The following HIGD1B variants were observed in gnomAD, a reference collection of about 807,000 sequenced individuals.
HIGD1B encodes HIG1 hypoxia inducible domain family member 1B.
A neutral mutation model predicts 8.8 loss-of-function variants in HIGD1B; 9 were observed. The ratio of observed to expected loss-of-function variants is 1.02; its 90% confidence interval spans 0.62 to 1.78. The LOEUF is 1.78. Among genes scored for constraint, HIGD1B ranks in the 40% most tolerant of loss-of-function variants. HIGD1B has a pLI of 0.00. For synonymous variants in HIGD1B, 47 were observed against 38.8 expected (o/e 1.21, Z -0.78); for missense variants, 126 against 111.8 (o/e 1.13, Z -0.57).
chr17:44,848,811 C>T (rs563135021), intron 1 of HIGD1B, among the ~76,000 whole-genome samples: 22 of 152,062 alleles, frequency 1.4e-4, no homozygotes, highest in African/African-American at 4.3e-4. Flanking sequence ...GAGTTTCACT[C>T]GTTGCCCAGG....
At chr17:44,849,130 C>T in intron 1 of HIGD1B, 124 bp from the exon 2 acceptor site, 1 of 1,204,544 alleles carries the variant, frequency 8.3e-7, no homozygotes, top group Non-Finnish European at 1.2e-6. Context: ...CCACCCCCCG[C>T]CACCAGATGC....
At chr17:44,845,258 CAA>C (rs11366877), upstream of HIGD1B, among the ~76,000 whole-genome samples, 224 of 116,736 alleles carry the variant, frequency 1.9e-3, no homozygotes, top group East Asian at 7.9e-3. Flanking sequence ...AACTCCGTCT[CAA>C]AAAAAAAAAA....
In HIGD1B at chr17:44,849,117, C is replaced by G. The variant is rs773080528; in HGVS notation, c.101-137C>G. ...AATGATCCCCCTAGGTCCCCCGCAA[C>G]GCCCACCCCCCGCCACCAGATGCTG... On this transcript the variant is annotated intron_variant, in intron 1 of 2. Transcript: ENST00000253410. The G allele has an allele frequency of 9.1e-6, 9 of 989,004 alleles. No individual in the cohort carries two copies. The Admixed American group carries it at 9.8e-5, about 11-fold the overall frequency. 61.3% of individuals were successfully genotyped at this position (989,004 alleles called of 1,614,324 possible).
intron 2 of HIGD1B, 139 bp downstream of exon 2, chr17:44,849,527 C>A: frequency 1.1e-6 from 1 of 930,140 alleles, no homozygotes; most frequent in Non-Finnish European, 1.6e-6. Flanking sequence ...TTTGGGAGGC[C>A]AAGGCGGGCA....
Position 44,850,406 on chromosome 17 carries a change from A to C in HIGD1B, c.*10A>C. 6.2e-7 allele frequency: 1 copy of C among 1,607,970 alleles called. No homozygotes were observed. ...TGCTGGAGAGAAGTAGGACTCCTAT[A>C]GGAGCCGGGGCTGTCCAACTCCCCT... On this transcript the variant is annotated 3_prime_UTR_variant, in exon 3 of 3. Coordinates refer to ENST00000253410, the MANE Select transcript of HIGD1B (RefSeq NM_016438.4).
upstream of HIGD1B, among the ~76,000 whole-genome samples, chr17:44,845,875 GA>G (rs1411153981): frequency 6.6e-6 from 1 of 151,938 alleles, no homozygotes; most frequent in Non-Finnish European, 1.5e-5. Context: ...AGGTTACAGT[GA>G]GCCGAGATCG....
At chr17:44,850,158 C>T in intron 2 of HIGD1B, 174 bp from the exon 3 acceptor site, 2 of 568,270 alleles carry the variant, frequency 3.5e-6, no homozygotes, top group Non-Finnish European at 6.3e-6. Context: ...AAGTGGTTTC[C>T]CCAGGTTGTG....
upstream of HIGD1B, among the ~76,000 whole-genome samples, chr17:44,847,395 T>G (rs1367311194): frequency 1.3e-5 from 2 of 152,090 alleles, no homozygotes; most frequent in East Asian, 3.9e-4. Context: ...ATTGCGCCAC[T>G]GCAGTCCGCA....
In HIGD1B at chr17:44,847,962, T is replaced by C; in HGVS notation, c.-191T>C. On this transcript the variant is annotated 5_prime_UTR_variant, in exon 1 of 3. Transcript: ENST00000253410. ...AAATGGCACTAATGGCCCAGCCACC[T>C]GAGATGGGATACCTGGGAGGGACAT... The C allele has an allele frequency of 3.9e-6, 2 of 509,784 alleles. No individual in the cohort carries two copies. The highest frequency in any genetic ancestry group is 7.0e-6 in the Non-Finnish European group (2 of 286,020). The allele number at this position is 509,784 out of a possible 1,614,324, so 31.6% of individuals were successfully genotyped here.
upstream of HIGD1B, among the ~76,000 whole-genome samples, chr17:44,845,824 C>T (rs185927902): frequency 5.6e-3 from 857 of 151,842 alleles, 5 homozygotes; most frequent in Middle Eastern, 0.031. Context: ...CCCAGCTACT[C>T]GGGAGGCTGA....
upstream of HIGD1B, among the ~76,000 whole-genome samples, chr17:44,846,721 A>AG (rs1363684941): frequency 4.0e-5 from 6 of 150,208 alleles, no homozygotes; most frequent in African/African-American, 1.5e-4. Context: ...TTGAGTCTGG[A>AG]GGGTCAAGCT....
upstream of HIGD1B, among the ~76,000 whole-genome samples, chr17:44,847,528 A>G (rs527726741): frequency 6.6e-6 from 1 of 152,388 alleles, no homozygotes; most frequent in South Asian, 2.1e-4. Context: ...CTGCCTGGAA[A>G]GAGATGGACC....
intron 2 of HIGD1B, 72 bp from the exon 3 acceptor site, chr17:44,850,260 A>T: frequency 8.0e-7 from 1 of 1,248,764 alleles, no homozygotes; most frequent in Non-Finnish European, 1.1e-6. Context: ...GTGAACCCCT[A>T]GGACGCCTGA....
chr17:44,847,847 A>T, upstream of HIGD1B: 1 of 268,942 alleles, frequency 3.7e-6, no homozygotes, highest in South Asian at 4.6e-5. Flanking sequence ...TCACACCCAT[A>T]GGGATGCAGA....
chr17:44,845,263 A>G (rs2050313404), upstream of HIGD1B, among the ~76,000 whole-genome samples: 1 of 151,382 alleles, frequency 6.6e-6, no homozygotes, highest in Admixed American at 6.6e-5. Flanking sequence ...CGTCTCAAAA[A>G]AAAAAAAAAA....
chr17:44,850,186 C>T lies in HIGD1B; in HGVS notation c.236-146C>T, dbSNP rs73309157. On this transcript the variant is annotated intron_variant, in intron 2 of 2. Transcript: ENST00000253410. ...AGGTTGTGTGGTCAGATGCTTGAAG[C>T]AGCTGTTGGGACCTGGGGCAGAAAG... 4.1e-3 allele frequency: 2,479 copies of T among 601,726 alleles called. 26 individuals are homozygous for T. The highest frequency in any genetic ancestry group is 0.016 in the Middle Eastern group (36 of 2,200). 37.3% of individuals were successfully genotyped at this position (601,726 alleles called of 1,614,324 possible). A position where few individuals can be genotyped will look rare whatever the true frequency, so the allele number is the denominator to read the frequency against.
At chr17:44,847,640 C>T (rs148458527), upstream of HIGD1B, among the ~76,000 whole-genome samples, 20 of 152,364 alleles carry the variant, frequency 1.3e-4, no homozygotes, top group East Asian at 3.5e-3. Flanking sequence ...TCATTATAAT[C>T]TCTGGCAATT....
chr17:44,847,325 C>G (rs928642300), upstream of HIGD1B, among the ~76,000 whole-genome samples: 2 of 151,270 alleles, frequency 1.3e-5, no homozygotes, highest in South Asian at 2.1e-4. Context: ...CCCAGCTACT[C>G]GGGAGGCTGA....
At chr17:44,850,241 C>A (rs371585119) in intron 2 of HIGD1B, 91 bp from the exon 3 acceptor site, 30 of 924,386 alleles carry the variant, frequency 3.2e-5, no homozygotes, top group East Asian at 2.0e-4. Flanking sequence ...CTCAAGGGAG[C>A]AGCTAGAGGT....
Sources: allele counts gnomAD v4.1 joint callset (sites outside exome capture counted in the v4.1 genomes callset), GRCh38; gene constraint gnomAD v4.1.1; transcripts MANE v1.5; gene names NCBI Gene and HGNC (gene_info 2026-07-23, HGNC 2026-07-21).